Variants in SUN1 observed in about 807,000 individuals in gnomAD.
The protein encoded by SUN1 is Sad1 and UNC84 domain containing 1.
A neutral mutation model predicts 103.2 loss-of-function variants in SUN1; 61 were observed. The ratio of observed to expected loss-of-function variants is 0.59; its 90% CI spans 0.48 to 0.73. The LOEUF (loss-of-function observed/expected upper bound fraction) is 0.73, where lower values mean the gene tolerates loss of function less well. Among genes scored for constraint, SUN1 ranks in the 30% least tolerant of loss-of-function variants. SUN1 has a pLI of 0.00. For synonymous variants in SUN1, 490 were observed against 425.7 expected (o/e 1.15, Z -1.86); for missense variants, 1,052 against 1,034.6 (o/e 1.02, Z -0.23).
chr7:872,576 C>T lies in SUN1; in HGVS notation c.2241+14C>T, dbSNP rs1382524055. Reference sequence around the variant, plus strand: ...TTCCAGGCCCTGGTAAGAACTGGGACTGGCACTGCCTGGGGTCTCTGAGTC... The same window carrying T: ...TTCCAGGCCCTGGTAAGAACTGGGATTGGCACTGCCTGGGGTCTCTGAGTC... On this transcript the variant is annotated intron_variant, in intron 18 of 18. Coordinates refer to ENST00000401592, the MANE Select transcript of SUN1 (RefSeq NM_001130965.3). 2 of 1,559,842 alleles carry T rather than the reference C, an allele frequency of 1.3e-6. No homozygotes were observed. Among genetic ancestry groups the T allele is most frequent in the African/African-American group, 1.4e-5 (1 of 73,682 alleles).
chr7:828,027 C>G (rs1175088363), upstream of SUN1, among the ~76,000 whole-genome samples: 1 of 151,890 alleles, frequency 6.6e-6, no homozygotes, highest in Non-Finnish European at 1.5e-5. Flanking sequence ...CCTCAGCCTC[C>G]CGAGTAGCTG....
At chr7:821,440 T>A (rs1489218665) in intron 1 of SUN1, among the ~76,000 whole-genome samples, 1 of 152,176 alleles carries the variant, frequency 6.6e-6, no homozygotes, top group Non-Finnish European at 1.5e-5. Context: ...AGTGCTGGGA[T>A]TATAGGCGTG....
At chr7:852,515 G>A (rs1823189004) in intron 7 of SUN1, 94 bp from the exon 8 acceptor site, 1 of 1,470,870 alleles carries the variant, frequency 6.8e-7, no homozygotes, top group East Asian at 2.3e-5. Flanking sequence ...CTGGGGGGGT[G>A]GATTTTGCAC....
chr7:853,570 C>T lies in SUN1; in HGVS notation c.1215C>T (p.Ala405=), dbSNP rs778743387. The change falls in exon 10 of 19, where the codon GCC becomes GCT. Residue 405 remains alanine (A), a synonymous_variant. Transcript: ENST00000401592. ...TGGACCAGATGGAAGGCGGCGCTGC[C>T]GGGCCGTCAGCTTCGGTCAGAGACG... ...ARVDQMEGGA[A]GPSASVRDAV... The T allele has an allele frequency of 8.1e-6, 13 of 1,609,958 alleles. No individual in the cohort carries two copies. The highest frequency in any genetic ancestry group is 1.7e-4 in the Middle Eastern group (1 of 6,006).
intron 5 of SUN1, among the ~76,000 whole-genome samples, chr7:844,449 C>G (rs1813223941): frequency 1.3e-5 from 2 of 152,230 alleles, no homozygotes; most frequent in African/African-American, 4.8e-5. Flanking sequence ...CAGTATTATT[C>G]AAATGACCGG....
chr7:870,887 C>CTTTTT (rs59711259), intron 17 of SUN1, among the ~76,000 whole-genome samples: 15 of 101,080 alleles, frequency 1.5e-4, no homozygotes, highest in East Asian at 6.0e-4. Context: ...TATTTTCTTT[C>CTTTTT]TTTTTTTTTT....
upstream of SUN1, among the ~76,000 whole-genome samples, chr7:816,445 C>T (rs1384450708): frequency 1.4e-5 from 2 of 147,876 alleles, no homozygotes; most frequent in South Asian, 4.4e-4. Context: ...CCCTCCCTCC[C>T]TCTCCCCCTC....
intron 5 of SUN1, chr7:848,425 G>T (rs549318587): frequency 7.4e-7 from 1 of 1,357,958 alleles, no homozygotes; most frequent in Admixed American, 2.0e-5. Flanking sequence ...TAGGCGGTGC[G>T]TCTTTCTACG....
chr7:841,881 C>T, intron 2 of SUN1, 65 bp from the exon 3 acceptor site: 2 of 1,537,136 alleles, frequency 1.3e-6, no homozygotes, highest in East Asian at 2.3e-5. Flanking sequence ...TTGTGTTGGT[C>T]AAATGTAATC....
At chr7:838,463 G>A (rs1174431084) in intron 1 of SUN1, among the ~76,000 whole-genome samples, 1 of 152,176 alleles carries the variant, frequency 6.6e-6, no homozygotes, top group Admixed American at 6.5e-5. Flanking sequence ...AACACACTCT[G>A]ATGTGTTTAT....
In SUN1 at chr7:873,246, T is replaced by C; in HGVS notation, c.2273T>C (p.Val758Ala). Residue 758 changes from valine to alanine, a missense_variant, in exon 19 of 19, where the codon GTG becomes GCG. Physicochemically the swap from Val to Ala is moderately conservative, Grantham distance 64. Around this residue, in one of 2 missense-constraint regions of SUN1, gnomAD observed 206 missense variants for 260.1 expected, o/e 0.79. Transcript: ENST00000401592. ...CCCGACGACACAGCTTTCCAAATAGTGGAACTTCGGATTTTTTCTAACTGG... is the reference window on the plus strand; with the variant it reads ...CCCGACGACACAGCTTTCCAAATAGCGGAACTTCGGATTTTTTCTAACTGG... ...KRPDDTAFQI[V>A]ELRIFSNWGH... The C allele has an allele frequency of 6.2e-7, 1 of 1,614,254 alleles. No homozygotes were observed. The highest frequency in any genetic ancestry group is 8.5e-7 in the Non-Finnish European group (1 of 1,180,038).
chr7:824,468 GAAACTATTT>G (rs1789421389), intron 1 of SUN1, among the ~76,000 whole-genome samples: 1 of 152,194 alleles, frequency 6.6e-6, no homozygotes, highest in South Asian at 2.1e-4. Flanking sequence ...CAAATACAAT[GAAACTATTT>G]AAACTATTTA....
At chr7:835,000 C>G (rs1015110952) in intron 1 of SUN1, among the ~76,000 whole-genome samples, 5 of 152,194 alleles carry the variant, frequency 3.3e-5, no homozygotes, top group African/African-American at 1.2e-4. Flanking sequence ...CGCTTGAACC[C>G]AAGAGGTGGA....
intron 5 of SUN1, 174 bp from the exon 6 acceptor site, chr7:851,210 C>T: frequency 1.9e-6 from 1 of 520,296 alleles, no homozygotes; most frequent in East Asian, 3.1e-5. Context: ...CATGTCAGTG[C>T]AATATTGCCA....
At chr7:853,232 C>A in intron 9 of SUN1, 177 bp from the exon 10 acceptor site, 1 of 766,850 alleles carries the variant, frequency 1.3e-6, no homozygotes, top group Non-Finnish European at 2.1e-6. Flanking sequence ...TGAGAAGCAC[C>A]CATAGTCAGC....
rs767852165 is a variant in SUN1, at chr7:852,958, A to T, written c.1053+6A>T. 6.2e-7 allele frequency: 1 copy of T among 1,608,744 alleles called. No homozygotes were observed. The highest frequency in any genetic ancestry group is 1.3e-5 in the African/African-American group (1 of 74,698). ...GCCTGAAGCAGCCTCTGCAGGTAAG[A>T]GGGTAGAAAGGCCTCTCAGCTGGCA... On this transcript the variant is annotated splice_donor_region_variant and intron_variant, in intron 9 of 18. Transcript: ENST00000401592.
rs188675854 is a variant in SUN1, at chr7:853,318, G to A, written c.1054-91G>A. 1.2e-4 allele frequency: 169 copies of A among 1,456,558 alleles called. 1 individual carries two copies. In the African/African-American group the frequency reaches 1.5e-3, roughly 13 times the overall value. The allele number at this position is 1,456,558 out of a possible 1,614,324, so 90.2% of individuals were successfully genotyped here. ...GTGTGCCGTGCGCCCCAGAGCTGGC[G>A]TCTTGCTGTAGGACACTGTTTGGAG... On this transcript the variant is annotated intron_variant, in intron 9 of 18. Transcript: ENST00000401592.
chr7:849,733 G>A, intron 5 of SUN1: 1 of 1,151,004 alleles, frequency 8.7e-7, no homozygotes, highest in Non-Finnish European at 1.3e-6. Context: ...ACGACGGGCT[G>A]TTGGAGCTGC....
intron 5 of SUN1, chr7:843,818 A>T (rs570838583): frequency 4.3e-6 from 6 of 1,407,892 alleles, no homozygotes; most frequent in Non-Finnish European, 5.5e-6. Flanking sequence ...TTTCAGATGC[A>T]CACCTTTATT....
Sources: allele counts gnomAD v4.1 joint callset (sites outside exome capture counted in the v4.1 genomes callset), GRCh38; gene constraint gnomAD v4.1.1; regional missense constraint gnomAD v4.1.1; transcripts MANE v1.5; gene names NCBI Gene and HGNC (gene_info 2026-07-23, HGNC 2026-07-21).